SHISA9: variants seen among roughly 807,000 people sequenced by gnomAD.
SHISA9 encodes protein shisa-9.
SHISA9 carries 13 observed loss-of-function variants against 38.0 expected under a neutral mutation model. That is an observed-to-expected ratio of 0.34 (90% CI 0.22 to 0.54). SHISA9 has a LOEUF of 0.54. Ranked by LOEUF, SHISA9 falls within the 20% of genes least tolerant of loss-of-function variation. SHISA9 has a pLI of 0.91. For synonymous variants in SHISA9, 275 were observed against 242.0 expected, an observed-to-expected ratio of 1.14 and a Z score of -1.27; for missense variants, 538 against 575.8, an observed-to-expected ratio of 0.93 and a Z score of 0.67.
intron 2 of SHISA9, among the ~76,000 whole-genome samples, chr16:12,951,614 T>C (rs2071758222): frequency 6.6e-6 from 1 of 152,100 alleles, no homozygotes; most frequent in Admixed American, 6.6e-5. Flanking sequence ...CCAGTACTCA[T>C]ATTGGCTGGG....
chr16:13,452,185 A>T, the SHISA9 span, among the ~76,000 whole-genome samples: 4 of 152,194 alleles, frequency 2.6e-5, no homozygotes, highest in Non-Finnish European at 5.9e-5. Context: ...GTAAAGCCCA[A>T]TTGTTATTCT....
At chr16:13,552,864 G>C in the SHISA9 span, among the ~76,000 whole-genome samples, 1 of 152,016 alleles carries the variant, frequency 6.6e-6, no homozygotes, top group African/African-American at 2.4e-5. Context: ...AGTTACAAAA[G>C]CCACAAAAGG....
chr16:13,405,342 G>T, the SHISA9 span, among the ~76,000 whole-genome samples: 1 of 152,200 alleles, frequency 6.6e-6, no homozygotes, highest in Non-Finnish European at 1.5e-5. Flanking sequence ...ATCAGATGTG[G>T]AAGTGTTTCC....
intron 2 of SHISA9, among the ~76,000 whole-genome samples, chr16:13,116,929 A>G (rs983820456): frequency 1.4e-5 from 2 of 137,974 alleles, no homozygotes; most frequent in African/African-American, 5.3e-5. Context: ...GGGGCCAGCA[A>G]TACGTCCCAG....
chr16:12,910,331 G>A (rs74931437), intron 1 of SHISA9: 35,142 of 267,260 alleles, frequency 0.13, 2,495 homozygotes, highest in South Asian at 0.28. Flanking sequence ...TCATTCATTC[G>A]ATAGGTATTT....
chr16:13,044,534 G>A (rs1041521849), intron 2 of SHISA9, among the ~76,000 whole-genome samples: 2 of 152,194 alleles, frequency 1.3e-5, no homozygotes, highest in South Asian at 2.1e-4. Flanking sequence ...AGATCCAATG[G>A]CTTTATAAAT....
intron 2 of SHISA9, among the ~76,000 whole-genome samples, chr16:13,143,851 G>C (rs977970569): frequency 6.6e-6 from 1 of 152,104 alleles, no homozygotes; most frequent in Non-Finnish European, 1.5e-5. Flanking sequence ...ACTTTACATC[G>C]ACTGCTTATA....
the SHISA9 span, among the ~76,000 whole-genome samples, chr16:13,346,888 C>A: frequency 6.6e-6 from 1 of 152,164 alleles, no homozygotes; most frequent in Non-Finnish European, 1.5e-5. Context: ...TGTGCATGTT[C>A]TTAATTTGCA....
At chr16:13,489,793 A>C in the SHISA9 span, among the ~76,000 whole-genome samples, 1 of 152,196 alleles carries the variant, frequency 6.6e-6, no homozygotes, top group African/African-American at 2.4e-5. Flanking sequence ...TATGAGATAG[A>C]TTCTATTATC....
chr16:13,417,384 A>G, the SHISA9 span, among the ~76,000 whole-genome samples: 1 of 152,158 alleles, frequency 6.6e-6, no homozygotes, highest in East Asian at 1.9e-4. Context: ...GAGTTGGAAA[A>G]AAAAAAATAA....
chr16:12,920,997 C>T (rs990988409), intron 2 of SHISA9, among the ~76,000 whole-genome samples: 3 of 152,300 alleles, frequency 2.0e-5, no homozygotes, highest in South Asian at 2.1e-4. Context: ...CAGTGTAAAA[C>T]GTGTTTCCTA....
chr16:12,907,068 CCCTT>C (rs2071107766), intron 1 of SHISA9, among the ~76,000 whole-genome samples: 1 of 140,664 alleles, frequency 7.1e-6, no homozygotes, highest in Non-Finnish European at 1.5e-5. Flanking sequence ...TTCCCTCCCT[CCCTT>C]CCTCCTTTGT....
Position 13,235,328 on chromosome 16 carries a change from C to A in SHISA9, c.1194C>A (p.Asp398Glu), listed in dbSNP as rs1288076337. 3 of 1,547,854 alleles carry A rather than the reference C, an allele frequency of 1.9e-6. No homozygotes were observed. Among genetic ancestry groups the A allele is most frequent in the Non-Finnish European group, 2.6e-6 (3 of 1,146,998 alleles). Reference sequence around the variant, plus strand: ...GCACGGCCGAGACAGGCTCCAGCGACCCCTTGGGAACTCGCCCCCAGCACT... The same window carrying A: ...GCACGGCCGAGACAGGCTCCAGCGAACCCTTGGGAACTCGCCCCCAGCACT... ...KLGTAETGSS[D>E]PLGTRPQHYP... Residue 398 changes from aspartate (D) to glutamate (E), a missense_variant, in exon 5 of 5, where the codon GAC (aspartate) becomes GAA (glutamate). By Grantham distance (45) the Asp-to-Glu change is conservative. Transcript: ENST00000558583.
intron 2 of SHISA9, among the ~76,000 whole-genome samples, chr16:13,187,195 G>T (rs1280135286): frequency 5.3e-5 from 8 of 152,190 alleles, no homozygotes; most frequent in African/African-American, 1.9e-4. Context: ...ATGCATTGCT[G>T]GGGCAGGATT....
intron 2 of SHISA9, among the ~76,000 whole-genome samples, chr16:13,063,161 C>G (rs758611805): frequency 2.0e-5 from 3 of 152,096 alleles, no homozygotes; most frequent in Non-Finnish European, 4.4e-5. Flanking sequence ...AGTGTGCCAC[C>G]ACACCCGGCT....
At chr16:13,512,822 C>T in the SHISA9 span, among the ~76,000 whole-genome samples, 12 of 152,260 alleles carry the variant, frequency 7.9e-5, no homozygotes, top group South Asian at 1.0e-3. Flanking sequence ...AAAATTGAAA[C>T]TGGACCCCAT....
At chr16:13,278,283 A>G in the SHISA9 span, among the ~76,000 whole-genome samples, 1 of 151,958 alleles carries the variant, frequency 6.6e-6, no homozygotes, top group East Asian at 1.9e-4. Flanking sequence ...ATCATGGTGG[A>G]TTATTTTTTT....
chr16:13,515,653 T>C, the SHISA9 span, among the ~76,000 whole-genome samples: 1 of 152,186 alleles, frequency 6.6e-6, no homozygotes. Context: ...CAAGGTCTTA[T>C]AGATAGGAAG....
At chr16:13,147,621 C>G (rs954896472) in intron 2 of SHISA9, among the ~76,000 whole-genome samples, 1 of 152,024 alleles carries the variant, frequency 6.6e-6, no homozygotes, top group African/African-American at 2.4e-5. Flanking sequence ...CAACACCACG[C>G]CTGGCTAATT....
Sources: allele counts gnomAD v4.1 joint callset (sites outside exome capture counted in the v4.1 genomes callset), GRCh38; gene constraint gnomAD v4.1.1; transcripts MANE v1.5; gene names NCBI Gene and HGNC (gene_info 2026-07-23, HGNC 2026-07-21).